Variants in CCDC77 observed in about 807,000 individuals in gnomAD.
CCDC77 encodes coiled-coil domain-containing protein 77.
Under a neutral mutation model 66.8 loss-of-function variants are expected in CCDC77, and 56 were observed. That is an observed-to-expected ratio of 0.84 (90% confidence interval 0.68 to 1.05). CCDC77 has a LOEUF of 1.05. Ranked by LOEUF, CCDC77 falls within the 50% of genes least tolerant of loss-of-function variation. CCDC77 has a pLI of 0.00. For missense variants in CCDC77, 570 were observed against 576.8 expected, an observed-to-expected ratio of 0.99 and a Z score of 0.12; for synonymous variants, 196 against 195.2, an observed-to-expected ratio of 1.00 and a Z score of -0.03.
chr12:422,620 A>G (rs767157598), intron 5 of CCDC77, among the ~76,000 whole-genome samples: 7 of 152,224 alleles, frequency 4.6e-5, no homozygotes, highest in Admixed American at 2.6e-4. Context: ...AAGACTGAAC[A>G]ATATTCCATT....
At chr12:419,352 G>C (rs1027803956) in intron 5 of CCDC77, among the ~76,000 whole-genome samples, 4 of 152,210 alleles carry the variant, frequency 2.6e-5, no homozygotes, top group African/African-American at 9.7e-5. Context: ...ATTTTTCAGA[G>C]AAAAACTGAG....
chr12:410,728 T>C (rs759207168), intron 3 of CCDC77, among the ~76,000 whole-genome samples: 27 of 151,878 alleles, frequency 1.8e-4, no homozygotes, highest in Non-Finnish European at 3.7e-4. Flanking sequence ...GTATTTTTGG[T>C]AGAGACTAGG....
At chr12:403,905 C>T (rs1381155417) in intron 1 of CCDC77, among the ~76,000 whole-genome samples, 1 of 152,196 alleles carries the variant, frequency 6.6e-6, no homozygotes, top group Non-Finnish European at 1.5e-5. Context: ...ATCCTCGCAC[C>T]AAGCAGGTGG....
intron 5 of CCDC77, among the ~76,000 whole-genome samples, chr12:422,509 G>A (rs967730177): frequency 3.9e-5 from 6 of 152,222 alleles, no homozygotes; most frequent in African/African-American, 9.7e-5. Context: ...GGTGCCTCAC[G>A]TAAGTGGAAT....
chr12:407,782 A>ATTTTTTTTTTTTTTTTT, intron 2 of CCDC77, among the ~76,000 whole-genome samples: 1 of 100,436 alleles, frequency 1.0e-5, no homozygotes, highest in Non-Finnish European at 1.8e-5. Context: ...AGGACTGAAG[A>ATTTTTTTTTTTTTTTTT]TTTTTTTTTT....
In CCDC77 at chr12:428,854, C is replaced by A; in HGVS notation, c.499C>A (p.Pro167Thr). 1 of 1,603,374 alleles carries A rather than the reference C, an allele frequency of 6.2e-7. No individual in the cohort carries two copies. Among genetic ancestry groups the A allele is most frequent in the Middle Eastern group, 1.7e-4 (1 of 6,036 alleles). ...AGEVTYFCKEPPHKVTILQKT... is the reference protein window; with the variant it reads ...AGEVTYFCKETPHKVTILQKT... ...AGAAGTGACCTATTTTTGTAAGGAG[C>A]CTCCTCACAAAGTAAGTAATCTTTG... is the stretch of plus-strand genomic sequence containing the variant. The change falls in exon 6 of 13, where the codon CCT becomes ACT. Residue 167 changes from proline to threonine, a missense_variant. Pro to Thr is a conservative substitution (Grantham distance 38, BLOSUM62 -1). Coordinates refer to ENST00000239830, the MANE Select transcript of CCDC77 (RefSeq NM_032358.4).
intron 5 of CCDC77, among the ~76,000 whole-genome samples, chr12:425,230 C>G (rs759266904): frequency 1.3e-5 from 2 of 148,242 alleles, no homozygotes; most frequent in Non-Finnish European, 2.9e-5. Flanking sequence ...CGCACCCAGC[C>G]TCGCCACGTG....
chr12:400,798 G>A (rs1591956409), upstream of CCDC77, among the ~76,000 whole-genome samples: 1 of 152,168 alleles, frequency 6.6e-6, no homozygotes, highest in African/African-American at 2.4e-5. Context: ...GTGGTGCAGA[G>A]ACACATAGTA....
At chr12:416,409 A>G (rs1245093960) in intron 4 of CCDC77, among the ~76,000 whole-genome samples, 1 of 49,022 alleles carries the variant, frequency 2.0e-5, no homozygotes. Flanking sequence ...ATATATATAT[A>G]TATATATTTC....
rs1456980792 is a variant in CCDC77, at chr12:411,995, G to A, written c.270+17G>A. 6.3e-7 allele frequency: 1 copy of A among 1,578,440 alleles called. No homozygotes were observed. The highest frequency in any genetic ancestry group is 8.7e-7 in the Non-Finnish European group (1 of 1,149,298). On this transcript the variant is annotated intron_variant, in intron 4 of 12. Coordinates refer to ENST00000239830, the MANE Select transcript of CCDC77 (RefSeq NM_032358.4). ...GAAGGACAGGTAAAGAAACGATGCT[G>A]CTGCTTTAGAACTCTGATGGAGTCT...
rs1198790051 is a variant in CCDC77, at chr12:411,772, G to A, written c.64G>A (p.Val22Ile). 3 of 1,613,738 alleles carry A rather than the reference G, an allele frequency of 1.9e-6. No individual in the cohort carries two copies. The highest frequency in any genetic ancestry group is 2.7e-5 in the African/African-American group (2 of 74,902). Residue 22 changes from valine (V) to isoleucine (I), a missense_variant, in exon 4 of 13, where the codon GTT becomes ATT. Physicochemically the swap from Val to Ile is conservative, Grantham distance 29. Transcript: ENST00000239830. ...RKRTVVSKRG[V>I]AVSGPTKRRG... ...GCGAACAGTTGTCTCCAAACGTGGTGTTGCCGTCAGTGGTCCCACCAAGAG... is the reference window on the plus strand; with the variant it reads ...GCGAACAGTTGTCTCCAAACGTGGTATTGCCGTCAGTGGTCCCACCAAGAG...
In CCDC77 at chr12:409,581, A is replaced by G. The variant is rs1188948742; in HGVS notation, c.38+160A>G. On this transcript the variant is annotated intron_variant, in intron 3 of 12. Transcript: ENST00000239830. ...GCCCAGGATGGGGTGCAGTGGTGCA[A>G]TCATTGCTCATTGCAGCCTTGACCT... The G allele has an allele frequency of 9.3e-6, 6 of 647,324 alleles. No individual in the cohort carries two copies. In the Admixed American group the frequency reaches 1.1e-4, roughly 12 times the overall value. The allele number at this position is 647,324 out of a possible 1,614,324, so 40.1% of individuals were successfully genotyped here. A position where few individuals can be genotyped will look rare whatever the true frequency, so the allele number is the denominator to read the frequency against.
intron 2 of CCDC77, among the ~76,000 whole-genome samples, chr12:408,145 C>G (rs1242361330): frequency 6.6e-6 from 1 of 152,112 alleles, no homozygotes; most frequent in Non-Finnish European, 1.5e-5. Flanking sequence ...AGAACATCAT[C>G]TGACTTGCTC....
chr12:427,242 C>T (rs1945553066), intron 5 of CCDC77, among the ~76,000 whole-genome samples: 1 of 136,796 alleles, frequency 7.3e-6, no homozygotes, highest in African/African-American at 2.9e-5. Context: ...GAGACTCTGC[C>T]TCGGAAAGAA....
At chr12:436,864 C>T (rs182721060) in intron 9 of CCDC77, 145 of 463,800 alleles carry the variant, frequency 3.1e-4, no homozygotes, top group African/African-American at 2.7e-3. Flanking sequence ...TTTTAACAAG[C>T]CTATAGTTTC....
chr12:405,560 A>G lies in CCDC77; in HGVS notation c.-21A>G, dbSNP rs896778248. On this transcript the variant is annotated 5_prime_UTR_variant, in exon 2 of 13. Transcript: ENST00000239830. ...ACCCAATTTGGAGACGTATTTTGGAAGGAGGTGAGTTTGGAGGAGGAGAGT... is the reference window on the plus strand; with the variant it reads ...ACCCAATTTGGAGACGTATTTTGGAGGGAGGTGAGTTTGGAGGAGGAGAGT... The G allele has an allele frequency of 3.9e-5, 6 of 152,194 alleles. No individual in the cohort carries two copies. Among genetic ancestry groups the G allele is most frequent in the Non-Finnish European group, 7.3e-5 (5 of 68,040 alleles). 9.4% of individuals were successfully genotyped at this position (152,194 alleles called of 1,614,324 possible).
At chr12:417,864 C>T (rs1321597254) in intron 4 of CCDC77, among the ~76,000 whole-genome samples, 3 of 150,982 alleles carry the variant, frequency 2.0e-5, no homozygotes, top group African/African-American at 2.4e-5. Flanking sequence ...ATCATGCCAC[C>T]GCATTCCAGC....
chr12:438,888 G>GA (rs1945805843), intron 10 of CCDC77, among the ~76,000 whole-genome samples: 1 of 148,944 alleles, frequency 6.7e-6, no homozygotes, highest in Admixed American at 6.7e-5. Flanking sequence ...CCAACATGGT[G>GA]AAACCCCGTC....
chr12:412,036 G>A (rs893473291), intron 4 of CCDC77, 58 bp downstream of exon 4: 5 of 1,269,750 alleles, frequency 3.9e-6, no homozygotes, highest in Middle Eastern at 1.9e-4. Flanking sequence ...AATTAGAGAT[G>A]CCCTACAAGT....
Sources: allele counts gnomAD v4.1 joint callset (sites outside exome capture counted in the v4.1 genomes callset), GRCh38; gene constraint gnomAD v4.1.1; transcripts MANE v1.5; gene names NCBI Gene and HGNC (gene_info 2026-07-23, HGNC 2026-07-21).